Variants in BRIX1 observed in about 807,000 individuals in gnomAD.
BRIX1 encodes the protein biogenesis of ribosomes BRX1, also known as ribosome biogenesis protein BRX1 homolog.
Under a neutral mutation model 44.0 loss-of-function variants are expected in BRIX1, and 15 were observed. That is an observed-to-expected ratio of 0.34 (90% CI 0.23 to 0.53). The LOEUF (loss-of-function observed/expected upper bound fraction) is 0.53. Ranked by LOEUF, BRIX1 falls within the 20% of genes least tolerant of loss-of-function variation. The pLI is 0.95. For synonymous variants in BRIX1, 149 were observed against 135.4 expected (o/e 1.10, Z -0.70); for missense variants, 420 against 432.8 (o/e 0.97, Z 0.26).
intron 3 of BRIX1, 88 bp downstream of exon 3, chr5:34,919,971 A>G (rs1003834886): frequency 1.7e-6 from 1 of 572,548 alleles, no homozygotes; most frequent in Admixed American, 3.6e-5. Context: ...GACTTTAAAA[A>G]TTATTTTGTA....
chr5:34,924,906 A>G lies in BRIX1; in HGVS notation c.723A>G (p.Ile241Met). The G allele has an allele frequency of 1.2e-6, 2 of 1,610,202 alleles. No individual in the cohort carries two copies. The highest frequency in any genetic ancestry group is 1.7e-6 in the Non-Finnish European group (2 of 1,176,518). ...GACCTCGTTTTGTCTTAAATCTCAT[A>G]AAGATTTTCCAGGGAAGTTTTGGAG... ...EIGPRFVLNL[I>M]KIFQGSFGGP... The change falls in exon 9 of 10, where the codon ATA becomes ATG. Residue 241 changes from isoleucine (I) to methionine (M), a missense_variant. Transcript: ENST00000336767.
chr5:34,918,818 T>TTTTTTTTTTTTTTTTTTTA (rs570057538), intron 2 of BRIX1: 1 of 68,352 alleles, frequency 1.5e-5, no homozygotes, highest in Non-Finnish European at 4.0e-5. Flanking sequence ...TTTTTGGGCC[T>TTTTTTTTTTTTTTTTTTTA]TTTTTTTTTT....
At chr5:34,916,593 C>G (rs41270675) in intron 1 of BRIX1, 3 of 152,198 alleles carry the variant, frequency 2.0e-5, no homozygotes, top group Admixed American at 6.5e-5. Context: ...AAAAGAAGTG[C>G]ACACAAGTTG....
At position 34,915,771 on chromosome 5, in the gene BRIX1, C is replaced by T. The variant is rs1303304810; in HGVS notation, c.33C>T (p.Gly11=). The change falls in exon 1 of 10, where the codon GGC becomes GGT. Residue 11 remains glycine (G), a synonymous_variant. Transcript: ENST00000336767. ...CAACCAAGAGGAAACGGCGTGGAGGCTTTGCAGTTCAGGCGAAGAAGCCAA... is the reference window on the plus strand; with the variant it reads ...CAACCAAGAGGAAACGGCGTGGAGGTTTTGCAGTTCAGGCGAAGAAGCCAA... The part of the protein sequence containing the change: MAATKRKRRG[G]FAVQAKKPKR... 7.5e-6 allele frequency: 12 copies of T among 1,602,274 alleles called. No individual in the cohort carries two copies. Among genetic ancestry groups the T allele is most frequent in the Admixed American group, 3.4e-5 (2 of 58,040 alleles).
intron 3 of BRIX1, 194 bp from the exon 4 acceptor site, chr5:34,922,023 T>A (rs1227873542): frequency 2.4e-5 from 8 of 340,304 alleles, no homozygotes; most frequent in Non-Finnish European, 4.2e-5. Context: ...GCAGAGCATC[T>A]AGTTTACCTT....
chr5:34,923,991 A>G (rs1764296835), intron 8 of BRIX1, among the ~76,000 whole-genome samples: 1 of 152,202 alleles, frequency 6.6e-6, no homozygotes, highest in Non-Finnish European at 1.5e-5. Flanking sequence ...AAGTGCTGTA[A>G]AGGATACAGT....
chr5:34,920,217 A>T (rs982693532), intron 3 of BRIX1: 12 of 163,190 alleles, frequency 7.4e-5, no homozygotes, highest in Admixed American at 3.2e-4. Context: ...AAATAAGTCC[A>T]TTAAACATAT....
In BRIX1 at chr5:34,925,924, G is replaced by A. The variant is rs1764370180; in HGVS notation, c.*429G>A. 6.5e-6 allele frequency: 1 copy of A among 154,326 alleles called. No homozygotes were observed. The highest frequency in any genetic ancestry group is 2.4e-5 in the African/African-American group (1 of 41,514). The allele number at this position is 154,326 out of a possible 1,614,324, so 9.6% of individuals were successfully genotyped here. On this transcript the variant is annotated 3_prime_UTR_variant, in exon 10 of 10. Transcript: ENST00000336767. ...TCAGTCATCAGTTAATGAAGCCATGGAAGAACCAACCCCTGATCTGTCACT... is the reference window on the plus strand; with the variant it reads ...TCAGTCATCAGTTAATGAAGCCATGAAAGAACCAACCCCTGATCTGTCACT...
intron 7 of BRIX1, 40 bp from the exon 8 acceptor site, chr5:34,923,093 T>C (rs749261626): frequency 6.3e-7 from 1 of 1,578,194 alleles, no homozygotes; most frequent in Non-Finnish European, 8.7e-7. Context: ...ATACATGATA[T>C]ATCTTGGAAT....
intron 1 of BRIX1, 141 bp from the exon 2 acceptor site, chr5:34,918,223 A>T (rs773884894): frequency 2.8e-5 from 14 of 502,616 alleles, no homozygotes; most frequent in Non-Finnish European, 4.0e-5. Context: ...GGGTGGGAGG[A>T]TCACTTACTT....
Position 34,918,489 on chromosome 5 carries a change from A to G in BRIX1, c.271+14A>G. On this transcript the variant is annotated intron_variant, in intron 2 of 9. Transcript: ENST00000336767. ...ATTCTAAAGCAGGTGCCTTTATATC[A>G]TATACTTTAGAAATTTCTATCTATA... is the stretch of plus-strand genomic sequence containing the variant. 3 of 1,446,386 alleles carry G rather than the reference A, an allele frequency of 2.1e-6. No individual in the cohort carries two copies. Among genetic ancestry groups the G allele is most frequent in the Non-Finnish European group, 2.8e-6 (3 of 1,066,262 alleles). The allele number at this position is 1,446,386 out of a possible 1,614,324, so 89.6% of individuals were successfully genotyped here.
chr5:34,915,724 G>T lies in BRIX1; in HGVS notation c.-15G>T. ...GCGCCGGAAAGGAGGCCAAGAGCGC[G>T]GGCGGCGAGGCAAGATGGCGGCAAC... is the stretch of plus-strand genomic sequence containing the variant. On this transcript the variant is annotated 5_prime_UTR_variant, in exon 1 of 10. Transcript: ENST00000336767. 6.3e-7 allele frequency: 1 copy of T among 1,592,778 alleles called. No individual in the cohort carries two copies. Among genetic ancestry groups the T allele is most frequent in the South Asian group, 1.1e-5 (1 of 88,068 alleles).
Position 34,922,738 on chromosome 5 carries a change from A to G in BRIX1, c.480A>G (p.Lys160=). 1 of 1,614,090 alleles carries G rather than the reference A, an allele frequency of 6.2e-7. No homozygotes were observed. Among genetic ancestry groups the G allele is most frequent in the Non-Finnish European group, 8.5e-7 (1 of 1,179,976 alleles). ...AELKMTGNCL[K]GSRPLLSFDP... is the part of the protein sequence containing the mutation. ...TGAAGATGACTGGAAACTGTTTGAA[A>G]GGTTCTCGGCCCCTTTTGTCTTTTG... The change falls in exon 6 of 10, where the codon AAA becomes AAG. Residue 160 remains lysine, a synonymous_variant. Coordinates refer to ENST00000336767, the MANE Select transcript of BRIX1 (RefSeq NM_018321.4).
rs1764063479 is a variant in BRIX1, at chr5:34,915,870, G to A, written c.132G>A (p.Arg44=). Residue 44 remains arginine (R), a synonymous_variant, in exon 1 of 10, where the codon AGG becomes AGA. Transcript: ENST00000336767. ...ATAEEVEEEE[R]DRIPGPVCKG... ...CAGAGGAGGTGGAGGAAGAAGAGAG[G>A]GACCGGATCCCAGGCCCCGTTTGCA... 1.3e-6 allele frequency: 2 copies of A among 1,561,426 alleles called. No individual in the cohort carries two copies. Among genetic ancestry groups the A allele is most frequent in the Non-Finnish European group, 8.7e-7 (1 of 1,152,754 alleles).
chr5:34,923,754 CA>C (rs989467024), intron 8 of BRIX1, among the ~76,000 whole-genome samples: 1 of 152,108 alleles, frequency 6.6e-6, no homozygotes, highest in Admixed American at 6.5e-5. Context: ...TTTGCATACA[CA>C]AAAAATGCAA....
chr5:34,915,894 C>T lies in BRIX1; in HGVS notation c.156C>T (p.Cys52=). 1 of 1,552,562 alleles carries T rather than the reference C, an allele frequency of 6.4e-7. No individual in the cohort carries two copies. Residue 52 remains cysteine (C), a synonymous_variant, in exon 1 of 10, where the codon TGC becomes TGT. Transcript: ENST00000336767. ...EERDRIPGPV[C]KGKWKNKERI... is the part of the protein sequence containing the mutation. ...GGGACCGGATCCCAGGCCCCGTTTG[C>T]AAGGTAGGAGGGGATGTCCCCGGGC... is the stretch of plus-strand genomic sequence containing the variant.
At chr5:34,923,291 T>C in intron 8 of BRIX1, 57 bp downstream of exon 8, 1 of 1,357,982 alleles carries the variant, frequency 7.4e-7, no homozygotes, top group Non-Finnish European at 1.0e-6. Context: ...TATTTATTTA[T>C]GTTTTGAGAC....
intron 6 of BRIX1, 81 bp downstream of exon 6, chr5:34,922,849 A>G (rs766652582): frequency 9.5e-5 from 132 of 1,383,920 alleles, no homozygotes; most frequent in Non-Finnish European, 1.2e-4. Flanking sequence ...GTGTTATTCA[A>G]TTTAGTTTCA....
At chr5:34,924,132 C>T (rs1764299529) in intron 8 of BRIX1, among the ~76,000 whole-genome samples, 1 of 152,160 alleles carries the variant, frequency 6.6e-6, no homozygotes, top group Non-Finnish European at 1.5e-5. Flanking sequence ...CACACAGTGA[C>T]TCATTCAGGA....
Sources: allele counts gnomAD v4.1 joint callset (sites outside exome capture counted in the v4.1 genomes callset), GRCh38; gene constraint gnomAD v4.1.1; transcripts MANE v1.5; gene names NCBI Gene and HGNC (gene_info 2026-07-23, HGNC 2026-07-21).